The following UIMC1 variants were observed in gnomAD, a reference collection of about 807,000 sequenced individuals.
UIMC1 encodes BRCA1-A complex subunit RAP80.
Under a neutral mutation model 84.9 loss-of-function variants are expected in UIMC1, and 42 were observed. The ratio of observed to expected loss-of-function variants is 0.49; its 90% CI spans 0.39 to 0.64. The LOEUF is 0.64. UIMC1 is among the 30% of genes least tolerant of loss of function. UIMC1 has a pLI of 0.00. For synonymous variants in UIMC1, 281 were observed against 293.0 expected (o/e 0.96, Z 0.42); for missense variants, 825 against 847.6 (o/e 0.97, Z 0.33).
chr5:176,906,611 C>A (rs754137218), intron 13 of UIMC1, among the ~76,000 whole-genome samples: 1 of 152,222 alleles, frequency 6.6e-6, no homozygotes. Flanking sequence ...TTACCAGATA[C>A]AATTCTTGCA....
intron 1 of UIMC1, among the ~76,000 whole-genome samples, chr5:176,988,130 C>CA (rs35059681): frequency 0.016 from 1,465 of 89,956 alleles, 27 homozygotes; most frequent in African/African-American, 0.041. Flanking sequence ...CGCCCCTGTC[C>CA]AAAAAAAAAA....
At chr5:176,927,789 C>A (rs1394406360) in intron 10 of UIMC1, among the ~76,000 whole-genome samples, 1 of 149,480 alleles carries the variant, frequency 6.7e-6, no homozygotes, top group Non-Finnish European at 1.5e-5. Context: ...CAAAACAAAA[C>A]AAAAAACAAA....
At chr5:177,004,830 G>C (rs1171476046) in intron 1 of UIMC1, among the ~76,000 whole-genome samples, 1 of 152,100 alleles carries the variant, frequency 6.6e-6, no homozygotes, top group Non-Finnish European at 1.5e-5. Flanking sequence ...AAATTGCTTT[G>C]AAAGCTTGGG....
At chr5:176,999,475 G>A (rs1314238053) in intron 1 of UIMC1, among the ~76,000 whole-genome samples, 2 of 151,604 alleles carry the variant, frequency 1.3e-5, no homozygotes, top group Non-Finnish European at 2.9e-5. Flanking sequence ...TCATCCTATT[G>A]TGCTATCAAA....
intron 10 of UIMC1, among the ~76,000 whole-genome samples, chr5:176,920,432 C>T (rs949627220): frequency 1.3e-5 from 2 of 152,154 alleles, no homozygotes; most frequent in Non-Finnish European, 2.9e-5. Flanking sequence ...AATACCATTC[C>T]ATTTATTTAG....
intron 6 of UIMC1, among the ~76,000 whole-genome samples, chr5:176,965,705 GGTCT>G (rs1185538037): frequency 6.6e-6 from 1 of 152,100 alleles, no homozygotes; most frequent in African/African-American, 2.4e-5. Flanking sequence ...AGTATTTGGT[GGTCT>G]GGTCATGAAG....
intron 8 of UIMC1, among the ~76,000 whole-genome samples, chr5:176,953,301 C>T (rs536378445): frequency 3.5e-4 from 53 of 152,254 alleles, no homozygotes; most frequent in Admixed American, 1.0e-3. Context: ...AGTAAGTTCT[C>T]TGTTATCTGA....
At chr5:176,978,376 A>AAAAAT (rs1225107979) in intron 2 of UIMC1, among the ~76,000 whole-genome samples, 6 of 152,194 alleles carry the variant, frequency 3.9e-5, no homozygotes, top group African/African-American at 7.2e-5. Flanking sequence ...CTGTCTCAAA[A>AAAAAT]AAAATAAAAT....
chr5:176,964,411 A>G (rs1767986400), intron 6 of UIMC1, among the ~76,000 whole-genome samples: 1 of 152,226 alleles, frequency 6.6e-6, no homozygotes, highest in Non-Finnish European at 1.5e-5. Context: ...TTGGCAATAA[A>G]TATCAAGTCT....
At chr5:176,975,370 C>T in intron 3 of UIMC1, 26 bp downstream of exon 3, 1 of 1,609,766 alleles carries the variant, frequency 6.2e-7, no homozygotes, top group South Asian at 1.1e-5. Context: ...AATTCCCAAA[C>T]CATTATCAAC....
chr5:176,957,555 A>G (rs1353838336), intron 7 of UIMC1, among the ~76,000 whole-genome samples: 1 of 152,264 alleles, frequency 6.6e-6, no homozygotes, highest in Admixed American at 6.5e-5. Context: ...AAACGGATTA[A>G]AAGTGGCACA....
intron 12 of UIMC1, 190 bp from the exon 13 acceptor site, chr5:176,907,367 C>T (rs1349500082): frequency 2.0e-5 from 11 of 556,412 alleles, no homozygotes; most frequent in Non-Finnish European, 3.5e-5. Context: ...GAGAATACAT[C>T]GCTATGCCCA....
intron 1 of UIMC1, among the ~76,000 whole-genome samples, chr5:177,019,761 G>A (rs902178257): frequency 6.6e-6 from 1 of 151,820 alleles, no homozygotes; most frequent in Admixed American, 6.6e-5. Flanking sequence ...ATGAAACCCC[G>A]TCTCTACTAA....
chr5:176,956,993 G>A (rs1766691778), intron 7 of UIMC1, among the ~76,000 whole-genome samples: 1 of 152,068 alleles, frequency 6.6e-6, no homozygotes, highest in Non-Finnish European at 1.5e-5. Context: ...TTTATAAAAT[G>A]GGCTAATCAA....
chr5:177,007,821 C>T (rs1775427985), upstream of UIMC1, among the ~76,000 whole-genome samples: 1 of 151,698 alleles, frequency 6.6e-6, no homozygotes, highest in African/African-American at 2.4e-5. Flanking sequence ...AAAGAAAGAC[C>T]TGGCCAGGCG....
intron 1 of UIMC1, among the ~76,000 whole-genome samples, chr5:176,984,458 C>G (rs1771641776): frequency 7.1e-6 from 1 of 141,836 alleles, no homozygotes; most frequent in African/African-American, 2.7e-5. Context: ...TGCCTATCGT[C>G]TGGGATGTGA....
Position 176,967,513 on chromosome 5 carries a change from T to C in UIMC1, c.1200+1042A>G, listed in dbSNP as rs185084374. Among the ~76,000 whole-genome samples the C allele has an allele frequency of 2.1e-4, 32 of 152,222 alleles. No individual in the cohort carries two copies. The East Asian group carries it at 2.1e-3, about 10-fold the overall frequency. ...AGAGGGGAACTGGCTGGCTAGGTGA[T>C]AGGGAGAAAAGTTAAGACTTTTTAC... On this transcript the variant is annotated intron_variant, in intron 6 of 14. Coordinates refer to ENST00000511320, the MANE Select transcript of UIMC1 (RefSeq NM_001199298.2).
At chr5:176,970,890 A>G (rs765478938) in intron 3 of UIMC1, 24 bp from the exon 4 acceptor site, 7 of 1,610,454 alleles carry the variant, frequency 4.3e-6, no homozygotes, top group South Asian at 3.3e-5. Context: ...GGGAAAAGAG[A>G]AGGAGGAACA....
At chr5:176,923,572 A>C (rs1761972884) in intron 10 of UIMC1, among the ~76,000 whole-genome samples, 1 of 150,734 alleles carries the variant, frequency 6.6e-6, no homozygotes. Flanking sequence ...AAAAGAAAGA[A>C]AGAAAATAAG....
Sources: gnomAD v4.1 joint callset for allele counts (sites outside exome capture counted in the v4.1 genomes callset) on GRCh38, gnomAD v4.1.1 for gene constraint, MANE v1.5 for transcripts, NCBI Gene and HGNC (gene_info 2026-07-23, HGNC 2026-07-21) for gene names.